Variants in DOCK2 observed in about 807,000 individuals in gnomAD.
The protein encoded by DOCK2 is dedicator of cytokinesis 2.
DOCK2 carries 87 observed loss-of-function variants against 248.9 expected under a neutral mutation model. The ratio of observed to expected loss-of-function variants is 0.35; its 90% CI spans 0.29 to 0.42. DOCK2 has a LOEUF of 0.42. DOCK2 is among the 10% of genes least tolerant of loss of function. The pLI, the probability that DOCK2 is intolerant of heterozygous loss-of-function variation, is 1.00. For missense variants in DOCK2, 1,747 were observed against 2,300.2 expected (o/e 0.76, Z 4.92); for synonymous variants, 805 against 821.6 (o/e 0.98, Z 0.35).
intron 22 of DOCK2, among the ~76,000 whole-genome samples, chr5:169,745,031 C>T (rs1253033057): frequency 1.3e-5 from 2 of 152,224 alleles, no homozygotes; most frequent in African/African-American, 4.8e-5. Context: ...AGACCAGTAG[C>T]AGCCATGGTG....
At chr5:169,746,378 C>A (rs1440984302) in intron 22 of DOCK2, among the ~76,000 whole-genome samples, 1 of 152,120 alleles carries the variant, frequency 6.6e-6, no homozygotes, top group Non-Finnish European at 1.5e-5. Flanking sequence ...GACTGGCTGG[C>A]CTGCTCTGTG....
chr5:169,818,304 G>A (rs149346470), intron 26 of DOCK2, among the ~76,000 whole-genome samples: 11 of 152,296 alleles, frequency 7.2e-5, no homozygotes, highest in Admixed American at 1.3e-4. Context: ...CACAAAGGCC[G>A]TATCGGTCTT....
intron 25 of DOCK2, among the ~76,000 whole-genome samples, chr5:169,779,601 G>A (rs1765580606): frequency 1.3e-5 from 2 of 152,178 alleles, no homozygotes; most frequent in South Asian, 4.1e-4. Flanking sequence ...CTGAGGTTCA[G>A]ATGGGTTCAG....
At chr5:169,847,681 G>T (rs1484607480) in intron 27 of DOCK2, among the ~76,000 whole-genome samples, 3 of 152,090 alleles carry the variant, frequency 2.0e-5, no homozygotes, top group Non-Finnish European at 4.4e-5. Context: ...TCCTGAATCA[G>T]AGACCTAAAA....
At chr5:169,674,222 C>A in intron 5 of DOCK2, 75 bp from the exon 6 acceptor site, 1 of 1,565,564 alleles carries the variant, frequency 6.4e-7, no homozygotes, top group South Asian at 1.2e-5. Context: ...ACTCACCTGA[C>A]TTTGGCACAG....
At chr5:169,820,416 A>G (rs1018882069) in intron 26 of DOCK2, among the ~76,000 whole-genome samples, 2 of 152,232 alleles carry the variant, frequency 1.3e-5, no homozygotes, top group African/African-American at 2.4e-5. Context: ...CCCCTCTGAG[A>G]CAAAACTTCC....
At chr5:169,892,873 T>C (rs1773377518) in intron 27 of DOCK2, among the ~76,000 whole-genome samples, 1 of 152,032 alleles carries the variant, frequency 6.6e-6, no homozygotes, top group African/African-American at 2.4e-5. Flanking sequence ...TTTTATTGTG[T>C]TTCCCTCTGT....
chr5:169,937,571 A>G lies in DOCK2; in HGVS notation c.2800-45497A>G, dbSNP rs139734150. Among the ~76,000 whole-genome samples the G allele has an allele frequency of 9.6e-3, 1,459 of 152,372 alleles. 20 individuals carry two copies. Among genetic ancestry groups the G allele is most frequent in the Non-Finnish European group, 0.014 (970 of 68,036 alleles). ...CATATATTGAGTACTTATATGTTCT[A>G]GACTCTGTGCTCAGTTCTTTATCTA... On this transcript the variant is annotated intron_variant, in intron 27 of 51. Coordinates refer to ENST00000520908, the MANE Select transcript of DOCK2 (RefSeq NM_004946.3).
At chr5:169,741,947 C>G (rs184567708) in intron 22 of DOCK2, among the ~76,000 whole-genome samples, 1 of 151,724 alleles carries the variant, frequency 6.6e-6, no homozygotes, top group African/African-American at 2.4e-5. Flanking sequence ...GTAGCTGAGA[C>G]TACAGGCGCC....
intron 2 of DOCK2, among the ~76,000 whole-genome samples, chr5:169,666,444 CAA>C (rs897893374): frequency 1.6e-4 from 24 of 152,106 alleles, no homozygotes; most frequent in African/African-American, 5.3e-4. Flanking sequence ...TTGTTGAATT[CAA>C]AAGAGTGTTG....
intron 46 of DOCK2, among the ~76,000 whole-genome samples, chr5:170,074,179 T>G (rs1462480467): frequency 6.6e-6 from 1 of 152,174 alleles, no homozygotes; most frequent in Non-Finnish European, 1.5e-5. Flanking sequence ...GAATGAAGGA[T>G]CTTTTCTGTT....
At chr5:169,706,021 T>G (rs559520273) in intron 14 of DOCK2, among the ~76,000 whole-genome samples, 2 of 152,376 alleles carry the variant, frequency 1.3e-5, no homozygotes, top group East Asian at 1.9e-4. Flanking sequence ...AGTGTATATT[T>G]TCCCTAGAAC....
intron 33 of DOCK2, among the ~76,000 whole-genome samples, chr5:170,020,194 A>G (rs904733466): frequency 6.6e-6 from 1 of 151,842 alleles, no homozygotes; most frequent in Non-Finnish European, 1.5e-5. Context: ...CCCGCAGCCC[A>G]CCTGAATGGC....
In DOCK2 at chr5:169,773,803, T is replaced by C. The variant is rs572771509; in HGVS notation, c.2554+12178T>C. On this transcript the variant is annotated intron_variant, in intron 25 of 51. Coordinates refer to ENST00000520908, the MANE Select transcript of DOCK2 (RefSeq NM_004946.3). Reference sequence around the variant, plus strand: ...GTGGGTGTGACCTGGTGGGAGATAATTGAATCATGGGGGCAGTTTCCCTTA... The same window carrying C: ...GTGGGTGTGACCTGGTGGGAGATAACTGAATCATGGGGGCAGTTTCCCTTA... Among the ~76,000 whole-genome samples the C allele has an allele frequency of 1.1e-4, 16 of 152,272 alleles. No homozygotes were observed. The South Asian group carries it at 1.5e-3, about 14-fold the overall frequency.
chr5:169,933,031 G>A (rs1775828541), intron 27 of DOCK2, among the ~76,000 whole-genome samples: 1 of 152,186 alleles, frequency 6.6e-6, no homozygotes, highest in Admixed American at 6.5e-5. Flanking sequence ...TTCTCCGGCA[G>A]GTATTGGCAG....
chr5:170,010,708 A>G (rs893962602), intron 32 of DOCK2, among the ~76,000 whole-genome samples: 8 of 152,218 alleles, frequency 5.3e-5, no homozygotes, highest in African/African-American at 1.4e-4. Context: ...CACATGATGG[A>G]CCCAGATTCA....
intron 27 of DOCK2, among the ~76,000 whole-genome samples, chr5:169,916,306 C>T (rs1774872637): frequency 6.6e-6 from 1 of 152,208 alleles, no homozygotes; most frequent in Non-Finnish European, 1.5e-5. Flanking sequence ...GGATTTGTGT[C>T]TGCACATGCA....
At chr5:169,826,146 G>A (rs543532503) in intron 26 of DOCK2, among the ~76,000 whole-genome samples, 2 of 152,046 alleles carry the variant, frequency 1.3e-5, no homozygotes, top group South Asian at 4.1e-4. Flanking sequence ...CATGTACTTA[G>A]TGCTTACTCT....
chr5:169,925,575 G>C, intron 27 of DOCK2, among the ~76,000 whole-genome samples: 1 of 78,644 alleles, frequency 1.3e-5, no homozygotes. Context: ...GCAAGACTCT[G>C]TCTTAAAAAA....
Sources: gnomAD v4.1 joint callset for allele counts (sites outside exome capture counted in the v4.1 genomes callset) on GRCh38, gnomAD v4.1.1 for gene constraint, MANE v1.5 for transcripts, NCBI Gene and HGNC (gene_info 2026-07-23, HGNC 2026-07-21) for gene names.